TRMT44: variants seen among roughly 807,000 people sequenced by gnomAD.
TRMT44 encodes tRNA methyltransferase 44 homolog.
In TRMT44, 78 loss-of-function variants were observed where a neutral mutation model predicts 77.3. The observed-to-expected ratio is 1.01, with a 90% CI of 0.84 to 1.22. The LOEUF (loss-of-function observed/expected upper bound fraction) is 1.22. TRMT44 is among the 50% of genes most tolerant of loss of function. The pLI, the probability that TRMT44 is intolerant of heterozygous loss-of-function variation, is 0.00. For missense variants in TRMT44, 1,090 were observed against 964.4 expected, an observed-to-expected ratio of 1.13 and a Z score of -1.73; for synonymous variants, 391 against 383.3, an observed-to-expected ratio of 1.02 and a Z score of -0.23.
At chr4:8,495,719 A>G (rs985888439), downstream of TRMT44, among the ~76,000 whole-genome samples, 17 of 152,328 alleles carry the variant, frequency 1.1e-4, no homozygotes, top group African/African-American at 3.6e-4. Flanking sequence ...TGCACCTGAT[A>G]GTGAGGCAGG....
chr4:8,488,827 C>T (rs1727902603), intron 2 of TRMT44, among the ~76,000 whole-genome samples: 1 of 152,210 alleles, frequency 6.6e-6, no homozygotes, highest in African/African-American at 2.4e-5. Context: ...AGGACCTCCT[C>T]AGCCAGGAGG....
At chr4:8,459,572 G>A (rs1276584297) in intron 6 of TRMT44, among the ~76,000 whole-genome samples, 1 of 152,090 alleles carries the variant, frequency 6.6e-6, no homozygotes, top group East Asian at 1.9e-4. Context: ...GTAAATCATA[G>A]TCCACTTAAA....
At chr4:8,447,951 T>C (rs1273333589) in intron 2 of TRMT44, among the ~76,000 whole-genome samples, 2 of 152,198 alleles carry the variant, frequency 1.3e-5, no homozygotes, top group Non-Finnish European at 2.9e-5. Context: ...GTGCTTGGCA[T>C]GTGCCTGCTG....
chr4:8,483,638 A>G (rs1170930917), intron 2 of TRMT44, among the ~76,000 whole-genome samples: 1 of 152,146 alleles, frequency 6.6e-6, no homozygotes, highest in Non-Finnish European at 1.5e-5. Context: ...AGTCTGTTCT[A>G]CTTTTCCTGA....
At chr4:8,492,864 T>G (rs924490853) in intron 2 of TRMT44, among the ~76,000 whole-genome samples, 1 of 152,210 alleles carries the variant, frequency 6.6e-6, no homozygotes, top group Non-Finnish European at 1.5e-5. Flanking sequence ...ATGGAACCAA[T>G]GTATACCTTA....
At position 8,468,192 on chromosome 4, in the gene TRMT44, C is replaced by G. The variant is rs941182908; in HGVS notation, c.1773C>G (p.Pro591=). The change falls in exon 9 of 11, where the codon CCC becomes CCG. Residue 591 remains proline (P), a synonymous_variant. Transcript: ENST00000389737. ...AEGPWLPGFH[P]REKAERVRNC... Reference sequence around the variant, plus strand: ...GACCCTGGCTACCTGGATTTCATCCCAGAGAAAAGGCTGAGCGTGTGAGGA... The same window carrying G: ...GACCCTGGCTACCTGGATTTCATCCGAGAGAAAAGGCTGAGCGTGTGAGGA... 8.7e-6 allele frequency: 14 copies of G among 1,614,068 alleles called. 1 individual carries two copies. In the Admixed American group the frequency reaches 1.8e-4, roughly 21 times the overall value.
chr4:8,473,288 C>T lies in TRMT44; in HGVS notation c.2044+2088C>T, dbSNP rs140622963. 486 of 152,656 alleles carry T rather than the reference C, an allele frequency of 3.2e-3. 2 individuals carry two copies. Among genetic ancestry groups the T allele is most frequent in the African/African-American group, 5.5e-3 (230 of 41,586 alleles). The allele number at this position is 152,656 out of a possible 1,614,324, so 9.5% of individuals were successfully genotyped here. On this transcript the variant is annotated intron_variant, in intron 10 of 10. Coordinates refer to ENST00000389737, the MANE Select transcript of TRMT44 (RefSeq NM_152544.3). ...TTCCTGAGGCCGCCAAGGGGCGGCG[C>T]GCTGCATCCATGCTGGCTGGTATGG...
chr4:8,458,871 A>G (rs1010339076), intron 6 of TRMT44, among the ~76,000 whole-genome samples: 4 of 152,086 alleles, frequency 2.6e-5, no homozygotes, highest in African/African-American at 9.7e-5. Context: ...CTGGTCAACA[A>G]TAGGCTATGA....
chr4:8,449,959 T>TTTTTTC, intron 3 of TRMT44, 71 bp downstream of exon 3: 1 of 353,852 alleles, frequency 2.8e-6, no homozygotes, highest in East Asian at 7.5e-5. Context: ...CTTTTTTTTT[T>TTTTTTC]TTTTTTTTTT....
downstream of TRMT44, among the ~76,000 whole-genome samples, chr4:8,495,732 A>G (rs2109242232): frequency 6.6e-6 from 1 of 152,268 alleles, no homozygotes; most frequent in South Asian, 2.1e-4. Context: ...GAGGCAGGAG[A>G]ATCGGGTCTG....
At position 8,476,304 on chromosome 4, in the gene TRMT44, C is replaced by T. The variant is rs371462665; in HGVS notation, c.*303C>T. ...CCTTACAATGTCTCCTGGGGGAGAG[C>T]GGCTGAGGCTGCCTTGCACAGGCCC... On this transcript the variant is annotated 3_prime_UTR_variant, in exon 11 of 11. Transcript: ENST00000389737. 174 of 408,574 alleles carry T rather than the reference C, an allele frequency of 4.3e-4. No individual in the cohort carries two copies. The highest frequency in any genetic ancestry group is 3.8e-3 in the South Asian group (140 of 37,140). The allele number at this position is 408,574 out of a possible 1,614,324, so 25.3% of individuals were successfully genotyped here. A position where few individuals can be genotyped will look rare whatever the true frequency, so the allele number is the denominator to read the frequency against.
chr4:8,467,839 G>A lies in TRMT44; in HGVS notation c.1495-75G>A, dbSNP rs547757381. ...TGAAAACTTGTGATTTGTACTCCAG[G>A]ATGAGAGAATTCCATGGAGAACGTT... On this transcript the variant is annotated intron_variant, in intron 8 of 10. Transcript: ENST00000389737. 1.1e-4 allele frequency: 152 copies of A among 1,445,956 alleles called. 3 individuals carry two copies. In the South Asian group the frequency reaches 2.0e-3, roughly 19 times the overall value. The allele number at this position is 1,445,956 out of a possible 1,614,324, so 89.6% of individuals were successfully genotyped here. A position where few individuals can be genotyped will look rare whatever the true frequency, so the allele number is the denominator to read the frequency against.
chr4:8,452,017 G>C lies in TRMT44; in HGVS notation c.1012G>C (p.Ala338Pro). The C allele has an allele frequency of 6.5e-7, 1 of 1,536,622 alleles. No homozygotes were observed. The highest frequency in any genetic ancestry group is 2.4e-5 in the East Asian group (1 of 40,916). ...CGTGTATGAAGATGTGGCTATCGCA[G>C]CATACCTGCTGGTAAGGGTGTAAGC... ...KFVYEDVAIA[A>P]YLLILWEEER... The change falls in exon 4 of 11, where the codon GCA becomes CCA. Residue 338 changes from alanine to proline, a missense_variant. Transcript: ENST00000389737. The surrounding 1 kb of genome is among the most constrained non-coding windows in gnomAD (Gnocchi z 5.7).
At chr4:8,459,804 G>A (rs1394077030) in intron 6 of TRMT44, among the ~76,000 whole-genome samples, 1 of 152,186 alleles carries the variant, frequency 6.6e-6, no homozygotes, top group Non-Finnish European at 1.5e-5. Flanking sequence ...AGTGACAAGA[G>A]CCCCTGCCTT....
chr4:8,484,985 A>G (rs921554209), intron 2 of TRMT44, among the ~76,000 whole-genome samples: 7 of 152,226 alleles, frequency 4.6e-5, no homozygotes, highest in African/African-American at 1.7e-4. Flanking sequence ...TGGAGAATAA[A>G]TGCTGAAGGA....
intron 6 of TRMT44, among the ~76,000 whole-genome samples, chr4:8,462,378 G>A (rs544581904): frequency 9.8e-5 from 14 of 143,164 alleles, no homozygotes; most frequent in African/African-American, 3.4e-4. Flanking sequence ...ACCACTGCAC[G>A]CCAGCCTAGG....
chr4:8,502,316 GC>G, the TRMT44 span, among the ~76,000 whole-genome samples: 1 of 152,228 alleles, frequency 6.6e-6, no homozygotes, highest in Admixed American at 6.5e-5. Context: ...GACCACATCT[GC>G]AATCCTCTGA....
At chr4:8,457,022 C>G (rs935399192) in intron 6 of TRMT44, among the ~76,000 whole-genome samples, 10 of 115,270 alleles carry the variant, frequency 8.7e-5, no homozygotes, top group South Asian at 2.7e-4. Context: ...CACCCGCCCC[C>G]CCCCCCCAAC....
At chr4:8,477,791 C>T (rs1262775172), downstream of TRMT44, 2 of 152,602 alleles carry the variant, frequency 1.3e-5, no homozygotes, top group African/African-American at 4.8e-5. Flanking sequence ...CCTGCAGCCT[C>T]GCTGGAGCTC....
Sources: allele counts gnomAD v4.1 joint callset (sites outside exome capture counted in the v4.1 genomes callset), GRCh38; gene constraint gnomAD v4.1.1; non-coding constraint Gnocchi (gnomAD v3.1); transcripts MANE v1.5; gene names NCBI Gene and HGNC (gene_info 2026-07-23, HGNC 2026-07-21).